Variants in TRMT10B observed in about 807,000 individuals in gnomAD.
TRMT10B encodes tRNA methyltransferase 10B.
In TRMT10B, 33 loss-of-function variants were observed where a neutral mutation model predicts 43.8. The observed-to-expected ratio is 0.75, with a 90% confidence interval of 0.57 to 1.01. TRMT10B has a LOEUF of 1.01. Among genes scored for constraint, TRMT10B ranks in the 50% least tolerant of loss-of-function variants. The pLI is 0.00. For synonymous variants in TRMT10B, 137 were observed against 130.6 expected (o/e 1.05, Z -0.34); for missense variants, 362 against 369.8 (o/e 0.98, Z 0.17).
chr9:37,754,299 T>C (rs1825356538), intron 1 of TRMT10B, among the ~76,000 whole-genome samples: 1 of 152,114 alleles, frequency 6.6e-6, no homozygotes, highest in Admixed American at 6.5e-5. Context: ...GTAATATGAA[T>C]GAGGAGAGGA....
chr9:37,754,036 G>T (rs1383145743), intron 1 of TRMT10B, among the ~76,000 whole-genome samples, 184 bp downstream of exon 1: 4 of 152,226 alleles, frequency 2.6e-5, no homozygotes, highest in Admixed American at 2.6e-4. Context: ...CCTGTGGGCC[G>T]GGAGAGACCC....
At chr9:37,753,443 A>G (rs1426224710), upstream of TRMT10B, among the ~76,000 whole-genome samples, 4 of 152,170 alleles carry the variant, frequency 2.6e-5, no homozygotes, top group African/African-American at 9.7e-5. Context: ...CTAGTTTTTA[A>G]GGTTTCCTTC....
chr9:37,754,515 AAGC>A (rs1825395606), intron 1 of TRMT10B, among the ~76,000 whole-genome samples: 1 of 152,112 alleles, frequency 6.6e-6, no homozygotes, highest in Non-Finnish European at 1.5e-5. Context: ...GCAGGGTTCT[AAGC>A]AGAAGAGTGG....
At position 37,770,741 on chromosome 9, in the gene TRMT10B, T is replaced by A; in HGVS notation, c.720+2T>A. Reference sequence around the variant, plus strand: ...CTTGTGGATGAAAGCATTCAGAAGGTAAGTATACATTTCAGCCCCAACATC... The same window carrying A: ...CTTGTGGATGAAAGCATTCAGAAGGAAAGTATACATTTCAGCCCCAACATC... On this transcript the variant is annotated splice_donor_variant, in intron 7 of 8. Transcript: ENST00000297994. LOFTEE classifies it high-confidence loss of function. 6.2e-7 allele frequency: 1 copy of A among 1,611,178 alleles called. No homozygotes were observed. The highest frequency in any genetic ancestry group is 8.5e-7 in the Non-Finnish European group (1 of 1,179,952).
intron 1 of TRMT10B, among the ~76,000 whole-genome samples, chr9:37,759,976 G>T (rs745573112): frequency 1.3e-5 from 2 of 152,162 alleles, no homozygotes; most frequent in Non-Finnish European, 2.9e-5. Flanking sequence ...CCAAAAAAAT[G>T]TAAAGATCAA....
intron 1 of TRMT10B, 135 bp from the exon 2 acceptor site, chr9:37,761,768 C>A (rs905507201): frequency 1.8e-5 from 11 of 606,814 alleles, no homozygotes; most frequent in Non-Finnish European, 3.1e-5. Context: ...ACATGCTTTT[C>A]TCAGTCCAGT....
rs766047702 is a variant in TRMT10B, at chr9:37,777,874, G to A, written c.*167G>A. On this transcript the variant is annotated 3_prime_UTR_variant, in exon 9 of 9. Transcript: ENST00000297994. ...ACAAAAATTAGCCAGGTGTGGTGGC[G>A]CATACCTGTAGTCCCAGCTACTTGG... 14 of 515,060 alleles carry A rather than the reference G, an allele frequency of 2.7e-5. No individual in the cohort carries two copies. Among genetic ancestry groups the A allele is most frequent in the African/African-American group, 3.9e-5 (2 of 51,626 alleles). 31.9% of individuals were successfully genotyped at this position (515,060 alleles called of 1,614,324 possible).
intron 1 of TRMT10B, among the ~76,000 whole-genome samples, chr9:37,756,782 GTATA>G (rs1825747884): frequency 6.7e-6 from 1 of 149,166 alleles, no homozygotes; most frequent in Non-Finnish European, 1.5e-5. Flanking sequence ...ATACATATGT[GTATA>G]CATACATGTG....
At chr9:37,761,300 A>G (rs550165678) in intron 1 of TRMT10B, among the ~76,000 whole-genome samples, 184 of 152,236 alleles carry the variant, frequency 1.2e-3, no homozygotes, top group Non-Finnish European at 2.1e-3. Flanking sequence ...AAATCATATC[A>G]TGCATTTTAA....
intron 7 of TRMT10B, 93 bp downstream of exon 7, chr9:37,770,832 A>C: frequency 7.6e-7 from 1 of 1,324,086 alleles, no homozygotes; most frequent in South Asian, 1.4e-5. Context: ...TAGAGGGTCT[A>C]AGAACTCAGA....
At chr9:37,754,091 G>A (rs977163608) in intron 1 of TRMT10B, among the ~76,000 whole-genome samples, 2 of 152,256 alleles carry the variant, frequency 1.3e-5, no homozygotes, top group South Asian at 2.1e-4. Flanking sequence ...CCATCACTTA[G>A]CGGCAGTGTA....
chr9:37,773,703 A>T (rs1226980943), intron 7 of TRMT10B, among the ~76,000 whole-genome samples: 1 of 152,074 alleles, frequency 6.6e-6, no homozygotes, highest in Non-Finnish European at 1.5e-5. Flanking sequence ...GTGTGGTGGC[A>T]TGTGCCTGTA....
upstream of TRMT10B, among the ~76,000 whole-genome samples, chr9:37,752,933 G>C (rs1035662082): frequency 6.6e-6 from 1 of 151,956 alleles, no homozygotes; most frequent in South Asian, 2.1e-4. Context: ...TCTGGACTGT[G>C]GGTGCTTTGT....
At position 37,778,511 on chromosome 9, in the gene TRMT10B, A is replaced by G. The variant is rs986227121; in HGVS notation, c.*804A>G. 2 of 149,962 alleles carry G rather than the reference A, an allele frequency of 1.3e-5. No homozygotes were observed. Among genetic ancestry groups the G allele is most frequent in the South Asian group, 2.1e-4 (1 of 4,808 alleles). 9.3% of individuals were successfully genotyped at this position (149,962 alleles called of 1,614,324 possible). ...GCCAGACTCTTGTCTCGAGGGGAAAAAAAAAAAAAATTATGTAACAAGGAA... is the reference window on the plus strand; with the variant it reads ...GCCAGACTCTTGTCTCGAGGGGAAAGAAAAAAAAAATTATGTAACAAGGAA... On this transcript the variant is annotated 3_prime_UTR_variant, in exon 9 of 9. Transcript: ENST00000297994.
intron 1 of TRMT10B, among the ~76,000 whole-genome samples, chr9:37,754,264 C>G (rs1408108712): frequency 1.3e-5 from 2 of 151,982 alleles, no homozygotes; most frequent in African/African-American, 2.4e-5. Context: ...GTTCCGACAA[C>G]AAGTAAAATA....
Position 37,762,495 on chromosome 9 carries a change from AAAG to A in TRMT10B, c.187-81_187-79del, listed in dbSNP as rs762564824. 93 of 1,498,138 alleles carry A rather than the reference AAAG, an allele frequency of 6.2e-5. 1 individual carries two copies. Among genetic ancestry groups the A allele is most frequent in the South Asian group, 2.4e-4 (18 of 74,866 alleles). The allele number at this position is 1,498,138 out of a possible 1,614,324, so 92.8% of individuals were successfully genotyped here. A position where few individuals can be genotyped will look rare whatever the true frequency, so the allele number is the denominator to read the frequency against. On this transcript the variant is annotated intron_variant, in intron 2 of 8. Transcript: ENST00000297994. ...CCAAACTATATATATAAATAAGAAAAAAGCAAATGTTTCTAATGTTCATTTTCC... is the reference window on the plus strand; with the variant it reads ...CCAAACTATATATATAAATAAGAAAACAAATGTTTCTAATGTTCATTTTCC...
At chr9:37,763,156 A>AC (rs113286083) in intron 3 of TRMT10B, among the ~76,000 whole-genome samples, 3,330 of 143,128 alleles carry the variant, frequency 0.023, 175 homozygotes, top group African/African-American at 0.093. Context: ...AAAAAAAAAA[A>AC]AAAAAAAAAC....
chr9:37,764,309 T>A (rs1247815646), intron 4 of TRMT10B, among the ~76,000 whole-genome samples: 1 of 147,446 alleles, frequency 6.8e-6, no homozygotes, highest in Non-Finnish European at 1.5e-5. Flanking sequence ...CCACCACGCC[T>A]GACAAATTTT....
At chr9:37,763,939 T>C (rs1005422664) in intron 4 of TRMT10B, 186 bp downstream of exon 4, 134 of 1,249,010 alleles carry the variant, frequency 1.1e-4, no homozygotes, top group Non-Finnish European at 1.3e-4. Context: ...GAAGAGAATA[T>C]ATATAGTTTG....
Sources: allele counts gnomAD v4.1 joint callset (sites outside exome capture counted in the v4.1 genomes callset), GRCh38; gene constraint gnomAD v4.1.1; transcripts MANE v1.5; gene names NCBI Gene and HGNC (gene_info 2026-07-23, HGNC 2026-07-21).